The following FBXL20 variants were observed in gnomAD, a reference collection of about 807,000 sequenced individuals.
The protein encoded by FBXL20 is F-box/LRR-repeat protein 20.
In FBXL20, 11 loss-of-function variants were observed where a neutral mutation model predicts 64.0. The observed-to-expected ratio is 0.17, with a 90% CI of 0.11 to 0.28. The LOEUF (loss-of-function observed/expected upper bound fraction) is 0.28, where lower values mean the gene tolerates loss of function less well. FBXL20 is among the 10% of genes least tolerant of loss of function. The pLI, the probability that FBXL20 is intolerant of heterozygous loss-of-function variation, is 1.00. For missense variants in FBXL20, 303 were observed against 526.2 expected, an observed-to-expected ratio of 0.58 and a Z score of 4.15; for synonymous variants, 184 against 189.0, an observed-to-expected ratio of 0.97 and a Z score of 0.22.
intron 2 of FBXL20, 88 bp from the exon 3 acceptor site, chr17:39,303,727 G>A: frequency 8.2e-7 from 1 of 1,216,394 alleles, no homozygotes; most frequent in South Asian, 1.4e-5. Flanking sequence ...CACTCTGTCA[G>A]CCAAGCTGGA....
intron 2 of FBXL20, among the ~76,000 whole-genome samples, chr17:39,341,946 C>T (rs1032162804): frequency 6.6e-6 from 1 of 152,170 alleles, no homozygotes; most frequent in Non-Finnish European, 1.5e-5. Flanking sequence ...CACAAGTAGG[C>T]AATGCTGCAG....
chr17:39,378,018 C>A (rs1567902816), intron 1 of FBXL20, among the ~76,000 whole-genome samples: 1 of 152,026 alleles, frequency 6.6e-6, no homozygotes, highest in Non-Finnish European at 1.5e-5. Context: ...TCCTCCACCA[C>A]CTACCGCCCC....
chr17:39,275,873 T>C (rs969082867), intron 9 of FBXL20, among the ~76,000 whole-genome samples: 3 of 152,134 alleles, frequency 2.0e-5, no homozygotes, highest in African/African-American at 7.2e-5. Flanking sequence ...TACTTCTATA[T>C]TTTAGTTTTA....
chr17:39,277,536 C>G (rs2144375121), intron 9 of FBXL20, among the ~76,000 whole-genome samples: 1 of 152,070 alleles, frequency 6.6e-6, no homozygotes, highest in Non-Finnish European at 1.5e-5. Flanking sequence ...GTGGGCAGAT[C>G]ACTTGAGGTC....
intron 12 of FBXL20, among the ~76,000 whole-genome samples, chr17:39,267,579 A>G (rs1424179047): frequency 6.6e-6 from 1 of 152,204 alleles, no homozygotes; most frequent in African/African-American, 2.4e-5. Context: ...AACTTGGGTT[A>G]TTTTCCCAAG....
intron 2 of FBXL20, among the ~76,000 whole-genome samples, chr17:39,329,798 G>A (rs2047443252): frequency 6.6e-6 from 1 of 152,048 alleles, no homozygotes; most frequent in Non-Finnish European, 1.5e-5. Flanking sequence ...AGGAGCTCGA[G>A]ACCAGCCTGA....
chr17:39,275,639 G>A (rs2046883241), intron 9 of FBXL20, among the ~76,000 whole-genome samples: 1 of 151,588 alleles, frequency 6.6e-6, no homozygotes, highest in Non-Finnish European at 1.5e-5. Flanking sequence ...CGAATTCCTG[G>A]CCTCAAGTGA....
At chr17:39,315,430 CAT>C (rs2047277520) in intron 2 of FBXL20, among the ~76,000 whole-genome samples, 2 of 125,648 alleles carry the variant, frequency 1.6e-5, no homozygotes, top group Non-Finnish European at 3.4e-5. Context: ...GTCTTTAAAA[CAT>C]ATATAGGTAC....
intron 2 of FBXL20, among the ~76,000 whole-genome samples, chr17:39,339,548 C>G (rs1221135622): frequency 1.3e-5 from 2 of 152,106 alleles, no homozygotes; most frequent in African/African-American, 4.8e-5. Flanking sequence ...AGCAAGGAGG[C>G]ATAACAATTC....
At chr17:39,275,622 C>T (rs891241485) in intron 9 of FBXL20, among the ~76,000 whole-genome samples, 30 of 151,542 alleles carry the variant, frequency 2.0e-4, no homozygotes, top group Non-Finnish European at 8.8e-5. Flanking sequence ...TTTGGCCAGG[C>T]TGGTCTCGAA....
At chr17:39,302,718 C>T (rs1241410868) in intron 3 of FBXL20, among the ~76,000 whole-genome samples, 1 of 151,974 alleles carries the variant, frequency 6.6e-6, no homozygotes, top group Non-Finnish European at 1.5e-5. Context: ...CTATGTTGCC[C>T]AGGTTAGTCT....
At chr17:39,318,791 A>C (rs1281812011) in intron 2 of FBXL20, among the ~76,000 whole-genome samples, 1 of 152,146 alleles carries the variant, frequency 6.6e-6, no homozygotes, top group African/African-American at 2.4e-5. Flanking sequence ...CATAATGCTG[A>C]AATAGTTCAT....
At chr17:39,301,771 A>G (rs970837974) in intron 3 of FBXL20, among the ~76,000 whole-genome samples, 1 of 151,962 alleles carries the variant, frequency 6.6e-6, no homozygotes, top group Non-Finnish European at 1.5e-5. Context: ...GTGGCACACA[A>G]CTGTAGTCCC....
intron 1 of FBXL20, among the ~76,000 whole-genome samples, chr17:39,395,328 G>A (rs1013451033): frequency 1.3e-5 from 2 of 152,176 alleles, no homozygotes; most frequent in Non-Finnish European, 2.9e-5. Context: ...GGAGGATGAG[G>A]CAGGAGAATC....
chr17:39,339,657 CTT>C (rs56824942), intron 2 of FBXL20, among the ~76,000 whole-genome samples: 108 of 148,194 alleles, frequency 7.3e-4, no homozygotes, highest in African/African-American at 2.5e-3. Flanking sequence ...GTTCACAGAA[CTT>C]TTTTTTTTTT....
At chr17:39,370,717 C>T (rs965272006) in intron 1 of FBXL20, among the ~76,000 whole-genome samples, 8 of 150,630 alleles carry the variant, frequency 5.3e-5, no homozygotes, top group African/African-American at 2.0e-4. Context: ...ATGGCGTGAA[C>T]CTGGGAGGCG....
At chr17:39,401,856 G>T, upstream of FBXL20, 1 of 422,720 alleles carries the variant, frequency 2.4e-6, no homozygotes, top group Non-Finnish European at 3.6e-6. Flanking sequence ...GCGCCTCCGA[G>T]GCAGACGAGC....
rs11654543 is a variant in FBXL20, at chr17:39,309,888, C to T, written c.105-6249G>A. Reference sequence around the variant, plus strand: ...CTTAGGCCAGGTGTGGTGGCTCACACCTGTAATCCCAGCATTTTGGGAGGC... The same window carrying T: ...CTTAGGCCAGGTGTGGTGGCTCACATCTGTAATCCCAGCATTTTGGGAGGC... On this transcript the variant is annotated intron_variant, in intron 2 of 14. Transcript: ENST00000264658. Among the ~76,000 whole-genome samples the T allele has an allele frequency of 3.3e-3, 500 of 151,226 alleles. 1 individual carries two copies. Among genetic ancestry groups the T allele is most frequent in the African/African-American group, 0.012 (487 of 41,274 alleles).
chr17:39,262,815 G>A (rs1567854260), intron 14 of FBXL20, among the ~76,000 whole-genome samples: 2 of 151,110 alleles, frequency 1.3e-5, no homozygotes, highest in Admixed American at 1.3e-4. Flanking sequence ...TGGCTAACAC[G>A]GTGAAACTCT....
Sources: allele counts gnomAD v4.1 joint callset (sites outside exome capture counted in the v4.1 genomes callset), GRCh38; gene constraint gnomAD v4.1.1; transcripts MANE v1.5; gene names NCBI Gene and HGNC (gene_info 2026-07-23, HGNC 2026-07-21).